SLC25A21: variants seen among roughly 807,000 people sequenced by gnomAD.
The protein encoded by SLC25A21 is solute carrier family 25 member 21, also known as mitochondrial 2-oxodicarboxylate carrier.
SLC25A21 carries 47 observed loss-of-function variants against 43.8 expected under a neutral mutation model. The ratio of observed to expected loss-of-function variants is 1.07; its 90% CI spans 0.85 to 1.37. SLC25A21 has a LOEUF of 1.37. SLC25A21 is among the 40% of genes most tolerant of loss of function. SLC25A21 has a pLI of 0.00. For synonymous variants in SLC25A21, 131 were observed against 121.3 expected (o/e 1.08, Z -0.52); for missense variants, 352 against 350.2 (o/e 1.00, Z -0.04).
At chr14:37,024,627 G>T (rs569834891) in intron 1 of SLC25A21, among the ~76,000 whole-genome samples, 12 of 151,962 alleles carry the variant, frequency 7.9e-5, no homozygotes, top group Admixed American at 7.9e-4. Flanking sequence ...AGAGGCAGAA[G>T]ATAATATTGC....
chr14:37,151,299 G>C (rs574618165), intron 1 of SLC25A21, among the ~76,000 whole-genome samples: 1 of 152,246 alleles, frequency 6.6e-6, no homozygotes, highest in Non-Finnish European at 1.5e-5. Flanking sequence ...AGTTGTGTGC[G>C]AATTCAGTTA....
intron 8 of SLC25A21, among the ~76,000 whole-genome samples, chr14:36,684,161 C>G (rs911110768): frequency 7.2e-5 from 11 of 152,170 alleles, no homozygotes; most frequent in African/African-American, 2.4e-4. Context: ...ACTTTCAAGA[C>G]AGCTGTGTAT....
At chr14:37,100,068 G>GT (rs1281634848) in intron 1 of SLC25A21, among the ~76,000 whole-genome samples, 30 of 150,484 alleles carry the variant, frequency 2.0e-4, no homozygotes, top group South Asian at 1.3e-3. Flanking sequence ...GTTTTCTTTT[G>GT]TTTTTTTTGA....
intron 3 of SLC25A21, among the ~76,000 whole-genome samples, chr14:36,770,219 C>A (rs948029166): frequency 1.4e-4 from 21 of 152,168 alleles, no homozygotes; most frequent in African/African-American, 5.1e-4. Flanking sequence ...TCCTTTGCAG[C>A]AACATGGATG....
At chr14:36,850,710 T>C (rs561828135) in intron 2 of SLC25A21, among the ~76,000 whole-genome samples, 1 of 152,344 alleles carries the variant, frequency 6.6e-6, no homozygotes, top group South Asian at 2.1e-4. Flanking sequence ...TACAGATCTC[T>C]TGATCTGTAG....
intron 2 of SLC25A21, among the ~76,000 whole-genome samples, chr14:36,836,074 G>C (rs950810816): frequency 6.6e-6 from 1 of 152,134 alleles, no homozygotes; most frequent in Non-Finnish European, 1.5e-5. Flanking sequence ...TGACTCCACC[G>C]TACAGTGTGG....
chr14:36,680,077 A>ACCC lies in SLC25A21; in HGVS notation c.*580_*581insGGG. ...TGATATGTGCATAGTTACTAAAAAA[A>ACCC]ACCAACAGATTTACATTTTAACATA... On this transcript the variant is annotated 3_prime_UTR_variant, in exon 10 of 10. Transcript: ENST00000331299. The ACCC allele has an allele frequency of 1.1e-6, 1 of 878,362 alleles. No homozygotes were observed. The allele number at this position is 878,362 out of a possible 1,614,324, so 54.4% of individuals were successfully genotyped here.
At chr14:36,744,109 C>T (rs1885391576) in intron 3 of SLC25A21, among the ~76,000 whole-genome samples, 1 of 152,142 alleles carries the variant, frequency 6.6e-6, no homozygotes, top group African/African-American at 2.4e-5. Flanking sequence ...AATGACCATA[C>T]TGCCCAAAGT....
intron 5 of SLC25A21, among the ~76,000 whole-genome samples, chr14:36,728,273 G>A (rs1884678793): frequency 6.6e-6 from 1 of 152,172 alleles, no homozygotes; most frequent in Non-Finnish European, 1.5e-5. Context: ...TAGCTGCAGT[G>A]ACCAAATGCT....
intron 3 of SLC25A21, chr14:36,788,645 T>A (rs772105003): frequency 6.6e-6 from 1 of 151,280 alleles, no homozygotes; most frequent in Non-Finnish European, 1.5e-5. Context: ...TTAAACGGCA[T>A]CTTTGATTTC....
chr14:36,799,748 C>A (rs1034276378), intron 3 of SLC25A21, among the ~76,000 whole-genome samples: 7 of 152,092 alleles, frequency 4.6e-5, no homozygotes, highest in Non-Finnish European at 1.0e-4. Context: ...CCTTGTCTGA[C>A]TCATCAATAA....
chr14:37,118,132 G>A (rs1963139657), intron 1 of SLC25A21, among the ~76,000 whole-genome samples: 1 of 152,106 alleles, frequency 6.6e-6, no homozygotes, highest in South Asian at 2.1e-4. Context: ...TGGATTACCA[G>A]CCATTATTCC....
At chr14:36,737,689 A>C (rs188481611) in intron 3 of SLC25A21, among the ~76,000 whole-genome samples, 4 of 152,334 alleles carry the variant, frequency 2.6e-5, no homozygotes, top group East Asian at 1.9e-4. Context: ...AATATGATAC[A>C]ATATGATACA....
chr14:37,133,143 G>GCGCACACACACACACA (rs144803616), intron 1 of SLC25A21, among the ~76,000 whole-genome samples: 1 of 147,962 alleles, frequency 6.8e-6, no homozygotes, highest in African/African-American at 2.5e-5. Flanking sequence ...GTGCACTCGT[G>GCGCACACACACACACA]CACACACACA....
At chr14:37,128,926 T>C (rs1265024721) in intron 1 of SLC25A21, among the ~76,000 whole-genome samples, 1 of 152,176 alleles carries the variant, frequency 6.6e-6, no homozygotes, top group African/African-American at 2.4e-5. Context: ...ATTCATAATC[T>C]AAATGATGCT....
At chr14:37,129,477 G>A (rs187914246) in intron 1 of SLC25A21, among the ~76,000 whole-genome samples, 3 of 152,102 alleles carry the variant, frequency 2.0e-5, no homozygotes, top group Admixed American at 2.0e-4. Context: ...TTCCTTTTGG[G>A]ATTGTTCCTA....
chr14:36,749,983 A>T (rs1453003210), intron 3 of SLC25A21, among the ~76,000 whole-genome samples: 1 of 152,098 alleles, frequency 6.6e-6, no homozygotes, highest in Non-Finnish European at 1.5e-5. Context: ...TGTCAGCTCC[A>T]TGAGGGTATG....
chr14:36,861,065 ACTT>A (rs887161077), intron 2 of SLC25A21, among the ~76,000 whole-genome samples: 1 of 152,138 alleles, frequency 6.6e-6, no homozygotes, highest in Non-Finnish European at 1.5e-5. Flanking sequence ...CATCTTGCAA[ACTT>A]CTTCATTATG....
intron 3 of SLC25A21, among the ~76,000 whole-genome samples, chr14:36,786,510 C>T (rs10149104): frequency 1.3e-5 from 2 of 152,176 alleles, no homozygotes; most frequent in Non-Finnish European, 2.9e-5. Context: ...AGATTTGCTG[C>T]TAAATGAATT....
Sources: allele counts gnomAD v4.1 joint callset (sites outside exome capture counted in the v4.1 genomes callset), GRCh38; gene constraint gnomAD v4.1.1; transcripts MANE v1.5; gene names NCBI Gene and HGNC (gene_info 2026-07-23, HGNC 2026-07-21).